Variants in PSTPIP2 observed in about 807,000 individuals in gnomAD.
The protein encoded by PSTPIP2 is proline-serine-threonine phosphatase-interacting protein 2.
PSTPIP2 carries 33 observed loss-of-function variants against 63.3 expected under a neutral mutation model. That is an observed-to-expected ratio of 0.52 (90% CI 0.40 to 0.70). The LOEUF is 0.70. Among genes scored for constraint, PSTPIP2 ranks in the 30% least tolerant of loss-of-function variants. The pLI is 0.00. For synonymous variants in PSTPIP2, 125 were observed against 132.7 expected (o/e 0.94, Z 0.40); for missense variants, 312 against 400.7 (o/e 0.78, Z 1.89).
intron 14 of PSTPIP2, among the ~76,000 whole-genome samples, chr18:45,986,147 T>C (rs2051464460): frequency 6.6e-6 from 1 of 152,240 alleles, no homozygotes; most frequent in Non-Finnish European, 1.5e-5. Context: ...CTTAGTAAGT[T>C]ATTCACTAAA....
chr18:46,049,318 A>G (rs1271926986), intron 1 of PSTPIP2, among the ~76,000 whole-genome samples: 2 of 152,002 alleles, frequency 1.3e-5, no homozygotes, highest in Non-Finnish European at 2.9e-5. Flanking sequence ...GAGAGTGGAG[A>G]GTGGAAGGAG....
intron 5 of PSTPIP2, among the ~76,000 whole-genome samples, chr18:46,005,889 C>A (rs573503526): frequency 6.6e-6 from 1 of 152,216 alleles, no homozygotes; most frequent in African/African-American, 2.4e-5. Context: ...TAAAAGAGGT[C>A]TTTATTCTAT....
chr18:46,043,598 A>C (rs1406665607), intron 1 of PSTPIP2, among the ~76,000 whole-genome samples: 1 of 152,232 alleles, frequency 6.6e-6, no homozygotes. Context: ...ATCAGGAACA[A>C]GGCAACGATG....
chr18:46,033,736 G>A (rs1907868749), intron 2 of PSTPIP2, among the ~76,000 whole-genome samples: 2 of 151,830 alleles, frequency 1.3e-5, no homozygotes, highest in South Asian at 4.2e-4. Context: ...AAGACACAGG[G>A]GAACAACACC....
intron 1 of PSTPIP2, among the ~76,000 whole-genome samples, chr18:46,044,069 T>G (rs948373623): frequency 1.3e-5 from 2 of 152,198 alleles, no homozygotes; most frequent in South Asian, 4.1e-4. Context: ...TTCCCCAAAT[T>G]GATCTATAGA....
chr18:46,067,274 G>T (rs181346789), intron 1 of PSTPIP2, among the ~76,000 whole-genome samples: 2 of 151,984 alleles, frequency 1.3e-5, no homozygotes, highest in Non-Finnish European at 2.9e-5. Flanking sequence ...AGGCCGAGGC[G>T]GGCGGATCAC....
At chr18:45,991,753 T>C (rs761975122) in intron 12 of PSTPIP2, 149 bp downstream of exon 12, 9 of 705,670 alleles carry the variant, frequency 1.3e-5, no homozygotes, top group East Asian at 5.5e-5. Context: ...TTAATATTTG[T>C]CCTAAAAATA....
chr18:46,020,455 C>T (rs1218107734), intron 3 of PSTPIP2, among the ~76,000 whole-genome samples: 1 of 152,086 alleles, frequency 6.6e-6, no homozygotes, highest in Non-Finnish European at 1.5e-5. Context: ...GAGTTCAAGA[C>T]CAGCCTGGCC....
chr18:46,018,005 A>G (rs1252746556), intron 3 of PSTPIP2, among the ~76,000 whole-genome samples: 1 of 152,110 alleles, frequency 6.6e-6, no homozygotes, highest in African/African-American at 2.4e-5. Context: ...CATCTACTGA[A>G]TTTTTATTTT....
At chr18:46,068,317 A>G (rs1396003823) in intron 1 of PSTPIP2, among the ~76,000 whole-genome samples, 1 of 151,966 alleles carries the variant, frequency 6.6e-6, no homozygotes, top group African/African-American at 2.4e-5. Flanking sequence ...TCTTTTTTTG[A>G]GACAGATTCT....
chr18:45,997,747 A>G lies in PSTPIP2; in HGVS notation c.642+2T>C, dbSNP rs982316775. 17 of 1,262,492 alleles carry G rather than the reference A, an allele frequency of 1.3e-5. No individual in the cohort carries two copies. The highest frequency in any genetic ancestry group is 1.8e-5 in the Non-Finnish European group (17 of 936,012). 78.2% of individuals were successfully genotyped at this position (1,262,492 alleles called of 1,614,324 possible). A position where few individuals can be genotyped will look rare whatever the true frequency, so the allele number is the denominator to read the frequency against. On this transcript the variant is annotated splice_donor_variant, in intron 9 of 14. Transcript: ENST00000409746. LOFTEE classifies it high-confidence loss of function. Reference sequence around the variant, plus strand: ...TCCTGAGCAGCTTCCGGTTACGGGTACCTCGCAGGCCTTGATGTGCTCACT... The same window carrying G: ...TCCTGAGCAGCTTCCGGTTACGGGTGCCTCGCAGGCCTTGATGTGCTCACT...
intron 8 of PSTPIP2, among the ~76,000 whole-genome samples, chr18:45,998,364 G>A (rs1206504584): frequency 7.2e-5 from 11 of 152,228 alleles, no homozygotes; most frequent in Admixed American, 7.2e-4. Flanking sequence ...ACAAGGCCTT[G>A]CAGCTTGGCT....
chr18:46,012,494 G>T (rs530779387), intron 4 of PSTPIP2, among the ~76,000 whole-genome samples: 48 of 152,178 alleles, frequency 3.2e-4, no homozygotes, highest in Non-Finnish European at 6.3e-4. Context: ...AAAAGAGTTG[G>T]CCAGGCGCAG....
At chr18:46,071,257 T>G (rs1259695782) in intron 1 of PSTPIP2, among the ~76,000 whole-genome samples, 2 of 152,080 alleles carry the variant, frequency 1.3e-5, no homozygotes. Flanking sequence ...GGAGCCCCAG[T>G]AAGGAGTCAG....
In PSTPIP2 at chr18:46,011,366, T is replaced by A. The variant is rs986239731; in HGVS notation, c.248-79A>T. The A allele has an allele frequency of 5.2e-6, 6 of 1,145,116 alleles. No individual in the cohort carries two copies. In the African/African-American group the frequency reaches 9.5e-5, roughly 18 times the overall value. The allele number at this position is 1,145,116 out of a possible 1,614,324, so 70.9% of individuals were successfully genotyped here. A position where few individuals can be genotyped will look rare whatever the true frequency, so the allele number is the denominator to read the frequency against. On this transcript the variant is annotated intron_variant, in intron 4 of 14. Transcript: ENST00000409746. The stretch of plus-strand genomic sequence containing the variant: ...TATATAAAATCATACAAAATAAATA[T>A]GTATATACAAAATACTGGAGTAAGT...
At chr18:46,067,799 C>T (rs796093450) in intron 1 of PSTPIP2, among the ~76,000 whole-genome samples, 16 of 152,312 alleles carry the variant, frequency 1.1e-4, no homozygotes, top group African/African-American at 3.8e-4. Context: ...TGAACCTTTA[C>T]TGGTTCAGGG....
At chr18:45,989,191 T>C (rs559320600) in intron 13 of PSTPIP2, among the ~76,000 whole-genome samples, 5 of 152,308 alleles carry the variant, frequency 3.3e-5, no homozygotes, top group African/African-American at 1.2e-4. Flanking sequence ...TCCTCCCTTA[T>C]TGATAGGTTT....
intron 2 of PSTPIP2, chr18:46,029,106 G>A: frequency 1.2e-6 from 1 of 821,438 alleles, no homozygotes; most frequent in East Asian, 2.4e-5. Flanking sequence ...AAACTGTAAG[G>A]CTTATTTTAG....
At chr18:46,004,182 A>G (rs2051700537) in intron 6 of PSTPIP2, among the ~76,000 whole-genome samples, 1 of 152,230 alleles carries the variant, frequency 6.6e-6, no homozygotes, top group South Asian at 2.1e-4. Context: ...TTTCTGTATT[A>G]CACTGACATC....
Sources: allele counts gnomAD v4.1 joint callset (sites outside exome capture counted in the v4.1 genomes callset), GRCh38; gene constraint gnomAD v4.1.1; transcripts MANE v1.5; gene names NCBI Gene and HGNC (gene_info 2026-07-23, HGNC 2026-07-21).